ZFYVE9: variants seen among roughly 807,000 people sequenced by gnomAD.
ZFYVE9 encodes the protein zinc finger FYVE domain-containing protein 9.
A neutral mutation model predicts 126.7 loss-of-function variants in ZFYVE9; 43 were observed. The observed-to-expected ratio is 0.34, with a 90% confidence interval of 0.27 to 0.44. ZFYVE9 has a LOEUF of 0.44. Ranked by LOEUF, ZFYVE9 falls within the 20% of genes least tolerant of loss-of-function variation. The probability of loss-of-function intolerance (pLI) is 1.00; values close to 1 mark genes in which losing one functional copy is unlikely to be tolerated. For synonymous variants in ZFYVE9, 521 were observed against 597.4 expected (o/e 0.87, Z 1.87); for missense variants, 1,476 against 1,697.0 (o/e 0.87, Z 2.29).
intron 1 of ZFYVE9, among the ~76,000 whole-genome samples, chr1:52,165,918 A>C (rs1448359216): frequency 3.3e-5 from 5 of 152,136 alleles, no homozygotes; most frequent in Non-Finnish European, 4.4e-5. Flanking sequence ...CTTGTATCCT[A>C]CTTAGCTCCT....
intron 1 of ZFYVE9, among the ~76,000 whole-genome samples, chr1:52,192,242 T>C (rs1644822815): frequency 6.6e-6 from 1 of 152,250 alleles, no homozygotes; most frequent in Non-Finnish European, 1.5e-5. Flanking sequence ...GAGTGCTTTT[T>C]CTGTGTAAAA....
intron 1 of ZFYVE9, among the ~76,000 whole-genome samples, chr1:52,157,057 C>T (rs1215935198): frequency 6.6e-6 from 1 of 152,126 alleles, no homozygotes; most frequent in Non-Finnish European, 1.5e-5. Context: ...TGGTCTTGAT[C>T]TCCTGACCTC....
chr1:52,171,676 T>G (rs1204267263), intron 1 of ZFYVE9, among the ~76,000 whole-genome samples: 5 of 152,012 alleles, frequency 3.3e-5, no homozygotes, highest in Non-Finnish European at 4.4e-5. Context: ...TTCCTGACTT[T>G]TTAATGATCG....
intron 1 of ZFYVE9, among the ~76,000 whole-genome samples, chr1:52,189,238 A>ATTT (rs113406671): frequency 7.4e-6 from 1 of 135,794 alleles, no homozygotes. Flanking sequence ...TGCCCAGCCT[A>ATTT]TTTTTTTTTT....
intron 1 of ZFYVE9, among the ~76,000 whole-genome samples, chr1:52,148,496 A>G (rs1644324939): frequency 1.3e-5 from 2 of 152,006 alleles, no homozygotes; most frequent in African/African-American, 4.8e-5. Context: ...CTCAAAAACA[A>G]AAAAAGCTGT....
At chr1:52,264,010 G>T in intron 5 of ZFYVE9, 138 bp downstream of exon 5, 4 of 444,474 alleles carry the variant, frequency 9.0e-6, no homozygotes, top group South Asian at 1.2e-4. Flanking sequence ...AAAATATTTA[G>T]CTAAATTTCC....
intron 13 of ZFYVE9, among the ~76,000 whole-genome samples, chr1:52,324,103 A>T (rs1646267706): frequency 6.6e-6 from 1 of 151,868 alleles, no homozygotes; most frequent in Admixed American, 6.6e-5. Flanking sequence ...AAATAAAGAT[A>T]GCTGGGCATA....
chr1:52,149,263 GA>G (rs1306687575), intron 1 of ZFYVE9, among the ~76,000 whole-genome samples: 2 of 151,464 alleles, frequency 1.3e-5, no homozygotes, highest in South Asian at 2.1e-4. Flanking sequence ...TAACTGGTTT[GA>G]AAAAAAACTT....
chr1:52,217,117 T>C (rs1645078721), intron 2 of ZFYVE9, among the ~76,000 whole-genome samples: 1 of 152,238 alleles, frequency 6.6e-6, no homozygotes, highest in South Asian at 2.1e-4. Context: ...AGGGTGCTGC[T>C]TGCACCTATT....
intron 1 of ZFYVE9, among the ~76,000 whole-genome samples, chr1:52,144,599 TAA>T (rs748392853): frequency 2.6e-5 from 4 of 151,762 alleles, no homozygotes; most frequent in Non-Finnish European, 4.4e-5. Flanking sequence ...AGCAAAACTA[TAA>T]GTCTTTAGTG....
At position 52,210,836 on chromosome 1, in the gene ZFYVE9, G is replaced by A. The variant is rs565512717; in HGVS notation, c.-142-5533G>A. 3.9e-5 allele frequency among the ~76,000 whole-genome samples: 6 copies of A among 152,232 alleles called. No individual in the cohort carries two copies. In the East Asian group the frequency reaches 1.2e-3, roughly 29 times the overall value. On this transcript the variant is annotated intron_variant, in intron 1 of 18. Transcript: ENST00000287727. ...CAGCTGGCTAATTTTTGTATTTTTA[G>A]TAGAGACGGGGTTTCGCCATGTTGG...
intron 1 of ZFYVE9, chr1:52,180,171 T>C: frequency 2.2e-6 from 3 of 1,389,266 alleles, no homozygotes; most frequent in Non-Finnish European, 3.1e-6. Flanking sequence ...CAGTGAGGGT[T>C]TGTGGGTCGT....
chr1:52,161,430 C>T (rs1481562148), intron 1 of ZFYVE9, among the ~76,000 whole-genome samples: 1 of 152,138 alleles, frequency 6.6e-6, no homozygotes, highest in Non-Finnish European at 1.5e-5. Flanking sequence ...GCTGGGACAG[C>T]AAGCACGCAC....
chr1:52,243,329 ATG>A (rs1645353774), intron 4 of ZFYVE9, among the ~76,000 whole-genome samples: 1 of 152,214 alleles, frequency 6.6e-6, no homozygotes. Flanking sequence ...AATATAAAAA[ATG>A]GGGGTGGGAG....
At chr1:52,148,937 C>T (rs1644328976) in intron 1 of ZFYVE9, among the ~76,000 whole-genome samples, 1 of 142,592 alleles carries the variant, frequency 7.0e-6, no homozygotes, top group Admixed American at 7.3e-5. Context: ...CTGTTCCCAG[C>T]CTTAACATGA....
At chr1:52,344,062 C>CT (rs1172916351) in intron 17 of ZFYVE9, among the ~76,000 whole-genome samples, 1 of 144,570 alleles carries the variant, frequency 6.9e-6, no homozygotes, top group Non-Finnish European at 1.5e-5. Flanking sequence ...CAGAGTGAGA[C>CT]TTTGTTTCCA....
At chr1:52,260,761 G>A (rs768281868) in intron 4 of ZFYVE9, among the ~76,000 whole-genome samples, 3 of 152,108 alleles carry the variant, frequency 2.0e-5, no homozygotes, top group Non-Finnish European at 2.9e-5. Flanking sequence ...AGGTTGCAAT[G>A]AGCTGAGATC....
At chr1:52,304,770 T>G (rs1183218233) in intron 13 of ZFYVE9, among the ~76,000 whole-genome samples, 1 of 152,148 alleles carries the variant, frequency 6.6e-6, no homozygotes, top group Non-Finnish European at 1.5e-5. Context: ...TGAAGAAAGC[T>G]TTTAGCCATG....
Position 52,238,564 on chromosome 1 carries a change from A to C in ZFYVE9, c.1147A>C (p.Thr383Pro). The C allele has an allele frequency of 6.2e-7, 1 of 1,614,114 alleles. No individual in the cohort carries two copies. The highest frequency in any genetic ancestry group is 8.5e-7 in the Non-Finnish European group (1 of 1,179,970). The change falls in exon 4 of 19, where the codon ACT becomes CCT. Residue 383 changes from threonine to proline, a missense_variant. By Grantham distance (38) the Thr-to-Pro change is conservative (BLOSUM62 -1). Coordinates refer to ENST00000287727, the MANE Select transcript of ZFYVE9 (RefSeq NM_004799.4). ...TTATGAACATGAAGAAACTCTTGGC[A>C]CTACAGAATTCCTTAATATGACAGA... The part of the protein sequence containing the change: ...EGYEHEETLG[T>P]TEFLNMTEHF...
Sources: gnomAD v4.1 joint callset for allele counts (sites outside exome capture counted in the v4.1 genomes callset) on GRCh38, gnomAD v4.1.1 for gene constraint, MANE v1.5 for transcripts, NCBI Gene and HGNC (gene_info 2026-07-23, HGNC 2026-07-21) for gene names.